Variants in GSDMA observed in about 807,000 individuals in gnomAD.
GSDMA encodes the protein gasdermin-A.
A neutral mutation model predicts 54.3 loss-of-function variants in GSDMA; 55 were observed. The ratio of observed to expected loss-of-function variants is 1.01; its 90% CI spans 0.82 to 1.27. GSDMA has a LOEUF of 1.27. GSDMA is among the 50% of genes most tolerant of loss of function. The pLI is 0.00. For missense variants in GSDMA, 542 were observed against 542.6 expected (o/e 1.00, Z 0.01); for synonymous variants, 211 against 224.7 (o/e 0.94, Z 0.54).
intron 7 of GSDMA, among the ~76,000 whole-genome samples, chr17:39,972,840 C>A (rs2144794416): frequency 6.6e-6 from 1 of 152,166 alleles, no homozygotes; most frequent in Middle Eastern, 3.4e-3. Flanking sequence ...CCTCAACAGC[C>A]TTACTAGCAG....
intron 7 of GSDMA, 132 bp downstream of exon 7, chr17:39,972,745 C>G: frequency 1.2e-6 from 1 of 856,204 alleles, no homozygotes; most frequent in African/African-American, 1.7e-5. Flanking sequence ...GTCCCCGAAA[C>G]ATGGCAGAAA....
intron 4 of GSDMA, among the ~76,000 whole-genome samples, chr17:39,970,908 A>T (rs1300693776): frequency 6.6e-6 from 1 of 152,218 alleles, no homozygotes; most frequent in African/African-American, 2.4e-5. Flanking sequence ...GGAAGGGGAA[A>T]GTCACATTCC....
In GSDMA at chr17:39,977,183, C is replaced by A; in HGVS notation, c.*125C>A. The A allele has an allele frequency of 8.4e-7, 1 of 1,184,536 alleles. No individual in the cohort carries two copies. Among genetic ancestry groups the A allele is most frequent in the Non-Finnish European group, 1.2e-6 (1 of 835,226 alleles). The allele number at this position is 1,184,536 out of a possible 1,614,324, so 73.4% of individuals were successfully genotyped here. On this transcript the variant is annotated 3_prime_UTR_variant, in exon 12 of 12. Transcript: ENST00000301659. ...ACATCTGAAATCTCAGCTGGTCACCCATGATAACCAACTTCCACCTGCCCA... is the reference window on the plus strand; with the variant it reads ...ACATCTGAAATCTCAGCTGGTCACCAATGATAACCAACTTCCACCTGCCCA...
intron 3 of GSDMA, among the ~76,000 whole-genome samples, chr17:39,968,336 G>A (rs1299392914): frequency 5.7e-5 from 4 of 70,148 alleles, no homozygotes; most frequent in African/African-American, 1.1e-4. Flanking sequence ...CACTGAGCCC[G>A]GTCTTTTTTT....
In GSDMA at chr17:39,974,892, C is replaced by T. The variant is rs1193850755; in HGVS notation, c.907-8C>T. The T allele has an allele frequency of 1.3e-6, 2 of 1,542,428 alleles. No homozygotes were observed. The highest frequency in any genetic ancestry group is 1.4e-5 in the African/African-American group (1 of 73,744). ...TTATCTTCAATAGTCGCCCACCTTC[C>T]CCCACAGCTTGAAGGGGCTCTAGAC... is the stretch of plus-strand genomic sequence containing the variant. On this transcript the variant is annotated splice_polypyrimidine_tract_variant and splice_region_variant and intron_variant, in intron 9 of 11. Transcript: ENST00000301659.
In GSDMA at chr17:39,965,847, G is replaced by A. The variant is rs533792064; in HGVS notation, c.160G>A (p.Val54Ile). 5.8e-5 allele frequency: 91 copies of A among 1,570,222 alleles called. 1 individual carries two copies. The highest frequency in any genetic ancestry group is 1.5e-4 in the South Asian group (13 of 85,398). Residue 54 changes from valine (V) to isoleucine (I), a missense_variant, in exon 2 of 12, where the codon GTC becomes ATC. By Grantham distance (29) the Val-to-Ile change is conservative. Coordinates refer to ENST00000301659, the MANE Select transcript of GSDMA (RefSeq NM_178171.5). ...CACGCTCTTCTGGGGGGCCCGGTAC[G>A]TCCGCACCGACTACACGCTGCTGGA... The part of the protein sequence containing the change: ...KSTLFWGARY[V>I]RTDYTLLDVL...
chr17:39,966,762 T>C (rs963017422), intron 3 of GSDMA, among the ~76,000 whole-genome samples: 12 of 152,260 alleles, frequency 7.9e-5, no homozygotes, highest in African/African-American at 2.2e-4. Context: ...TTCTGCAAAA[T>C]GACAGGATTG....
intron 8 of GSDMA, 98 bp downstream of exon 8, chr17:39,973,928 A>T (rs1980077131): frequency 8.7e-7 from 1 of 1,153,762 alleles, no homozygotes; most frequent in Non-Finnish European, 1.3e-6. Context: ...CAGCTAACTC[A>T]TGGGAAGGGA....
In GSDMA at chr17:39,975,971, A is replaced by T. The variant is rs1360691014; in HGVS notation, c.1069A>T (p.Lys357Ter). 6.2e-7 allele frequency: 1 copy of T among 1,600,084 alleles called. No individual in the cohort carries two copies. The highest frequency in any genetic ancestry group is 1.7e-5 in the Admixed American group (1 of 57,908). Residue 357 changes from lysine (K) to a stop codon, truncating the protein, a stop_gained, in exon 11 of 12, where the codon AAG (lysine) becomes TAG (stop). Coordinates refer to ENST00000301659, the MANE Select transcript of GSDMA (RefSeq NM_178171.5). LOFTEE classifies it high-confidence loss of function. ...QKLLVKSMEK[K>*]ILPVQLKLVE... ...GCTGCTGGTGAAATCCATGGAGAAA[A>T]AGATCCTACCCGTGCAGCTAAAGCT...
chr17:39,976,326 T>G (rs1481869522), intron 11 of GSDMA, among the ~76,000 whole-genome samples: 2 of 151,160 alleles, frequency 1.3e-5, no homozygotes, highest in Non-Finnish European at 2.9e-5. Context: ...TTGCCCAGGC[T>G]GGAGTGCAAT....
At chr17:39,965,585 C>T in intron 1 of GSDMA, 98 bp from the exon 2 acceptor site, 1 of 811,424 alleles carries the variant, frequency 1.2e-6, no homozygotes, top group Non-Finnish European at 2.0e-6. Flanking sequence ...TGCCTCAGAG[C>T]CGGGTAAACT....
rs778855360 is a variant in GSDMA at position 39,971,586 on chromosome 17, G to A, written c.621G>A (p.Val207=). 18 of 1,613,814 alleles carry A rather than the reference G, an allele frequency of 1.1e-5. No individual in the cohort carries two copies. Among genetic ancestry groups the A allele is most frequent in the East Asian group, 6.7e-5 (3 of 44,902 alleles). ...IPKGCVLAFR[V]RQLMVKGKDE... ...AGGGCTGCGTCCTGGCCTTTCGAGT[G>A]AGACAGCTGATGGTCAAAGGCAAAG... Residue 207 remains valine, a synonymous_variant, in exon 5 of 12, where the codon GTG becomes GTA. Transcript: ENST00000301659.
At chr17:39,972,359 T>C (rs1017957663) in intron 6 of GSDMA, among the ~76,000 whole-genome samples, 183 bp downstream of exon 6, 1 of 152,100 alleles carries the variant, frequency 6.6e-6, no homozygotes, top group Non-Finnish European at 1.5e-5. Flanking sequence ...ATATAAATAC[T>C]GTCCCAGAGA....
rs1172034215 is a variant in GSDMA, at chr17:39,973,819, C to T, written c.740C>T (p.Ala247Val). ...SGEEKVILIQ[A>V]SDVGDVHEGF... ...TTCCTTTTTTTCTCAGTTATCCAGGCATCTGATGTTGGTAAGGAACTTTGT... is the reference window on the plus strand; with the variant it reads ...TTCCTTTTTTTCTCAGTTATCCAGGTATCTGATGTTGGTAAGGAACTTTGT... The change falls in exon 8 of 12, where the codon GCA becomes GTA. Residue 247 changes from alanine (A) to valine (V), a missense_variant. Physicochemically the swap from Ala to Val is moderately conservative, Grantham distance 64. Transcript: ENST00000301659. 1.2e-6 allele frequency: 2 copies of T among 1,612,308 alleles called. No homozygotes were observed. The highest frequency in any genetic ancestry group is 1.1e-5 in the South Asian group (1 of 90,958).
Position 39,977,206 on chromosome 17 carries a change from C to A in GSDMA, c.*148C>A. On this transcript the variant is annotated 3_prime_UTR_variant, in exon 12 of 12. Coordinates refer to ENST00000301659, the MANE Select transcript of GSDMA (RefSeq NM_178171.5). Reference sequence around the variant, plus strand: ...CCCATGATAACCAACTTCCACCTGCCCAACCATATATCACCCCCTACCCCT... The same window carrying A: ...CCCATGATAACCAACTTCCACCTGCACAACCATATATCACCCCCTACCCCT... 1 of 875,142 alleles carries A rather than the reference C, an allele frequency of 1.1e-6. No homozygotes were observed. The highest frequency in any genetic ancestry group is 1.8e-6 in the Non-Finnish European group (1 of 561,354). 54.2% of individuals were successfully genotyped at this position (875,142 alleles called of 1,614,324 possible).
At chr17:39,975,868 G>A in intron 10 of GSDMA, 56 bp from the exon 11 acceptor site, 1 of 1,269,248 alleles carries the variant, frequency 7.9e-7, no homozygotes, top group Non-Finnish European at 1.1e-6. Flanking sequence ...GCTATTTGGA[G>A]GCTGTAGTCC....
rs760376443 is a variant in GSDMA at position 39,973,805 on chromosome 17, C to A, written c.731-5C>A. Reference sequence around the variant, plus strand: ...CTTATCTTTTTTTTTTCCTTTTTTTCTCAGTTATCCAGGCATCTGATGTTG... The same window carrying A: ...CTTATCTTTTTTTTTTCCTTTTTTTATCAGTTATCCAGGCATCTGATGTTG... On this transcript the variant is annotated splice_polypyrimidine_tract_variant and splice_region_variant and intron_variant, in intron 7 of 11. Coordinates refer to ENST00000301659, the MANE Select transcript of GSDMA (RefSeq NM_178171.5). The A allele has an allele frequency of 1.3e-6, 2 of 1,595,564 alleles. No individual in the cohort carries two copies. Among genetic ancestry groups the A allele is most frequent in the African/African-American group, 1.4e-5 (1 of 73,154 alleles).
chr17:39,970,629 C>T lies in GSDMA; in HGVS notation c.540C>T (p.Phe180=), dbSNP rs58951919. ...KAEACFSLPF[F]APLGLQGSIN... ...AGGCCTGCTTCTCCCTCCCCTTCTT[C>T]GCCCCATTGGGGCTACAGGTTTGAT... Residue 180 remains phenylalanine, a synonymous_variant, in exon 4 of 12, where the codon TTC becomes TTT. Transcript: ENST00000301659. The T allele has an allele frequency of 6.8e-4, 1,053 of 1,555,050 alleles. 10 individuals are homozygous for T. The African/African-American group carries it at 0.011, about 17-fold the overall frequency.
intron 2 of GSDMA, 63 bp from the exon 3 acceptor site, chr17:39,966,197 G>C: frequency 6.4e-7 from 1 of 1,564,896 alleles, no homozygotes; most frequent in South Asian, 1.1e-5. Flanking sequence ...AAAATGCTGG[G>C]ATTACAGGCA....
Sources: gnomAD v4.1 joint callset for allele counts (sites outside exome capture counted in the v4.1 genomes callset) on GRCh38, gnomAD v4.1.1 for gene constraint, MANE v1.5 for transcripts, NCBI Gene and HGNC (gene_info 2026-07-23, HGNC 2026-07-21) for gene names.